The following PIEZO2 variants were observed in gnomAD, a reference collection of about 807,000 sequenced individuals.
PIEZO2 encodes piezo type mechanosensitive ion channel component 2.
PIEZO2 carries 172 observed loss-of-function variants against 337.3 expected under a neutral mutation model. The ratio of observed to expected loss-of-function variants is 0.51; its 90% confidence interval spans 0.45 to 0.58. The LOEUF (loss-of-function observed/expected upper bound fraction) is 0.58, where lower values mean the gene tolerates loss of function less well. Ranked by LOEUF, PIEZO2 falls within the 20% of genes least tolerant of loss-of-function variation. The pLI is 0.00. For synonymous variants in PIEZO2, 1,251 were observed against 1,228.5 expected, an observed-to-expected ratio of 1.02 and a Z score of -0.38; for missense variants, 3,028 against 3,391.3, an observed-to-expected ratio of 0.89 and a Z score of 2.66.
At chr18:10,790,223 T>C (rs980619742) in intron 14 of PIEZO2, among the ~76,000 whole-genome samples, 12 of 152,300 alleles carry the variant, frequency 7.9e-5, no homozygotes, top group African/African-American at 2.9e-4. Flanking sequence ...AACAACTCAT[T>C]GTTTAGGTCC....
chr18:10,687,747 G>A (rs1276003073), intron 49 of PIEZO2, among the ~76,000 whole-genome samples: 1 of 152,122 alleles, frequency 6.6e-6, no homozygotes, highest in African/African-American at 2.4e-5. Context: ...GCCACGAGGG[G>A]AAGAAGCCTG....
intron 36 of PIEZO2, chr18:10,728,088 G>GA (rs1219064042): frequency 6.6e-6 from 1 of 152,428 alleles, no homozygotes; most frequent in Non-Finnish European, 1.5e-5. Context: ...GACTTGAAAA[G>GA]AAAAAATCGC....
At chr18:10,944,396 T>C (rs2032895196) in intron 3 of PIEZO2, among the ~76,000 whole-genome samples, 1 of 151,328 alleles carries the variant, frequency 6.6e-6, no homozygotes, top group Non-Finnish European at 1.5e-5. Context: ...AGTTATTGAA[T>C]TGTATTATGA....
chr18:10,866,288 CTT>C lies in PIEZO2; in HGVS notation c.492+4963_492+4964del, dbSNP rs140860572. 2.3e-3 allele frequency among the ~76,000 whole-genome samples: 322 copies of C among 139,694 alleles called. 3 individuals are homozygous for C. The highest frequency in any genetic ancestry group is 4.7e-3 in the African/African-American group (178 of 38,074). 91.6% of individuals were successfully genotyped at this position (139,694 alleles called of 152,430 possible). A position where few individuals can be genotyped will look rare whatever the true frequency, so the allele number is the denominator to read the frequency against. On this transcript the variant is annotated intron_variant, in intron 5 of 55. Transcript: ENST00000674853. ...ATATTGTCAATAATAATATCCCTGCCTTTTTTTTTTTTTTTGAGACAGAGTCC... is the reference window on the plus strand; with the variant it reads ...ATATTGTCAATAATAATATCCCTGCCTTTTTTTTTTTTTGAGACAGAGTCC...
In PIEZO2 at chr18:10,989,986, G is replaced by A. The variant is rs569904830; in HGVS notation, c.161-10326C>T. Reference sequence around the variant, plus strand: ...TTTTACAGCAGGACTACATGGAGACGAATAATGACATTTACCACATTATTG... The same window carrying A: ...TTTTACAGCAGGACTACATGGAGACAAATAATGACATTTACCACATTATTG... On this transcript the variant is annotated intron_variant, in intron 2 of 55. Coordinates refer to ENST00000674853, the MANE Select transcript of PIEZO2 (RefSeq NM_001378183.1). Among the ~76,000 whole-genome samples, 11 of 152,176 alleles carry A rather than the reference G, an allele frequency of 7.2e-5. 1 individual carries two copies. Among genetic ancestry groups the A allele is most frequent in the African/African-American group, 1.9e-4 (8 of 41,534 alleles).
chr18:11,118,727 A>C (rs1197793215), intron 1 of PIEZO2, among the ~76,000 whole-genome samples: 1 of 150,774 alleles, frequency 6.6e-6, no homozygotes, highest in Non-Finnish European at 1.5e-5. Flanking sequence ...TGGTCAAATG[A>C]AAATCACATC....
At chr18:10,886,617 A>T (rs2042615668) in intron 4 of PIEZO2, among the ~76,000 whole-genome samples, 1 of 149,440 alleles carries the variant, frequency 6.7e-6, no homozygotes, top group Admixed American at 6.7e-5. Context: ...AATTACAGTA[A>T]TTATAATATT....
chr18:10,992,484 C>G (rs574194200), intron 2 of PIEZO2, among the ~76,000 whole-genome samples: 1 of 152,166 alleles, frequency 6.6e-6, no homozygotes, highest in Admixed American at 6.5e-5. Flanking sequence ...TTATTAAAGA[C>G]AGAATCCCTT....
Position 11,131,545 on chromosome 18 carries a change from G to A in PIEZO2, c.64+16980C>T, listed in dbSNP as rs563527456. On this transcript the variant is annotated intron_variant, in intron 1 of 55. Coordinates refer to ENST00000674853, the MANE Select transcript of PIEZO2 (RefSeq NM_001378183.1). The surrounding 1 kb of genome is among the most constrained non-coding windows in gnomAD (Gnocchi z 5.3). ...TTCTAGGAAATCCTTGAAGGACAGC[G>A]GTGAAGGGAAATCTTCCCAGTGGGC... is the stretch of plus-strand genomic sequence containing the variant. Among the ~76,000 whole-genome samples, 29 of 152,326 alleles carry A rather than the reference G, an allele frequency of 1.9e-4. No individual in the cohort carries two copies. Among genetic ancestry groups the A allele is most frequent in the African/African-American group, 5.5e-4 (23 of 41,574 alleles).
chr18:10,742,876 G>A (rs1283376608), intron 31 of PIEZO2, among the ~76,000 whole-genome samples: 1 of 151,568 alleles, frequency 6.6e-6, no homozygotes, highest in African/African-American at 2.4e-5. Context: ...TTAATAATAT[G>A]ATCAATAATG....
chr18:10,877,989 C>G lies in PIEZO2; in HGVS notation c.330-6574G>C, dbSNP rs2042313491. On this transcript the variant is annotated intron_variant, in intron 4 of 55. Transcript: ENST00000674853. The surrounding 1 kb of genome is among the most constrained non-coding windows in gnomAD (Gnocchi z 5.3). Reference sequence around the variant, plus strand: ...CCCTTGGCCAACTTCTCCCAGTATGCTTCAGGTTCTCCTCATCTCTAAAAA... The same window carrying G: ...CCCTTGGCCAACTTCTCCCAGTATGGTTCAGGTTCTCCTCATCTCTAAAAA... 6.6e-6 allele frequency among the ~76,000 whole-genome samples: 1 copy of G among 152,128 alleles called. No homozygotes were observed. The highest frequency in any genetic ancestry group is 2.1e-4 in the South Asian group (1 of 4,818).
intron 49 of PIEZO2, among the ~76,000 whole-genome samples, chr18:10,688,314 T>C (rs1430457172): frequency 2.6e-5 from 4 of 152,236 alleles, no homozygotes; most frequent in African/African-American, 4.8e-5. Context: ...CCTTCATCCA[T>C]GTATCTGCAA....
intron 1 of PIEZO2, among the ~76,000 whole-genome samples, chr18:11,107,053 CT>C (rs2039589948): frequency 6.6e-6 from 1 of 152,200 alleles, no homozygotes; most frequent in Admixed American, 6.5e-5. Context: ...CAGTGCACTT[CT>C]TTCTCTGATC....
intron 3 of PIEZO2, among the ~76,000 whole-genome samples, chr18:10,937,382 A>G (rs544592684): frequency 1.4e-4 from 21 of 152,264 alleles, no homozygotes; most frequent in African/African-American, 5.1e-4. Flanking sequence ...TGCATGTGAC[A>G]TCTCACATGT....
chr18:11,113,532 G>A (rs1478291976), intron 1 of PIEZO2, among the ~76,000 whole-genome samples: 2 of 152,080 alleles, frequency 1.3e-5, no homozygotes, highest in Non-Finnish European at 2.9e-5. Context: ...CCACCCTCAC[G>A]GCCTTGTTCA....
At chr18:10,919,174 C>T (rs1244408569) in intron 3 of PIEZO2, among the ~76,000 whole-genome samples, 1 of 151,850 alleles carries the variant, frequency 6.6e-6, no homozygotes, top group Non-Finnish European at 1.5e-5. Context: ...GAAATTTTAA[C>T]ATTTTATGTG....
intron 8 of PIEZO2, among the ~76,000 whole-genome samples, chr18:10,806,674 C>G (rs2040012739): frequency 3.9e-5 from 6 of 152,164 alleles, no homozygotes; most frequent in Admixed American, 3.9e-4. Context: ...GCTTTGTTGT[C>G]AAATGTGGAT....
chr18:10,891,091 G>C (rs1331136266), intron 4 of PIEZO2, among the ~76,000 whole-genome samples: 1 of 152,070 alleles, frequency 6.6e-6, no homozygotes, highest in Non-Finnish European at 1.5e-5. Flanking sequence ...CCAATACTTT[G>C]GGAGGCCGAG....
chr18:10,696,657 A>G, intron 45 of PIEZO2, 118 bp from the exon 46 acceptor site: 2 of 1,171,928 alleles, frequency 1.7e-6, no homozygotes, highest in Non-Finnish European at 2.4e-6. Context: ...GTCAGGTCCC[A>G]CCTTCCTCTC....
Sources: allele counts gnomAD v4.1 joint callset (sites outside exome capture counted in the v4.1 genomes callset), GRCh38; gene constraint gnomAD v4.1.1; non-coding constraint Gnocchi (gnomAD v3.1); transcripts MANE v1.5; gene names NCBI Gene and HGNC (gene_info 2026-07-23, HGNC 2026-07-21).